The following PCCA variants were observed in gnomAD, a reference collection of about 807,000 sequenced individuals.
The protein encoded by PCCA is propionyl-CoA carboxylase subunit alpha.
A neutral mutation model predicts 101.3 loss-of-function variants in PCCA; 74 were observed. The observed-to-expected ratio is 0.73, with a 90% confidence interval of 0.61 to 0.89. The LOEUF (loss-of-function observed/expected upper bound fraction) is 0.89, where lower values mean the gene tolerates loss of function less well. Among genes scored for constraint, PCCA ranks in the 40% least tolerant of loss-of-function variants. The pLI, the probability that PCCA is intolerant of heterozygous loss-of-function variation, is 0.00. For synonymous variants in PCCA, 294 were observed against 313.6 expected (o/e 0.94, Z 0.66); for missense variants, 891 against 907.0 (o/e 0.98, Z 0.23).
intron 19 of PCCA, among the ~76,000 whole-genome samples, chr13:100,377,835 A>G (rs1052269168): frequency 1.3e-5 from 2 of 152,096 alleles, no homozygotes; most frequent in African/African-American, 4.8e-5. Context: ...ATCCATTTAC[A>G]TTCAGGGTTA....
intron 8 of PCCA, among the ~76,000 whole-genome samples, chr13:100,241,047 C>T (rs1259882624): frequency 2.6e-5 from 4 of 152,092 alleles, no homozygotes; most frequent in Non-Finnish European, 5.9e-5. Flanking sequence ...CTGCAGGTAA[C>T]TTGTTCAGAT....
intron 4 of PCCA, among the ~76,000 whole-genome samples, chr13:100,120,684 G>C (rs1250710004): frequency 6.6e-6 from 1 of 152,148 alleles, no homozygotes; most frequent in Non-Finnish European, 1.5e-5. Flanking sequence ...GAATTGGTCA[G>C]GGCAGGAGAA....
intron 16 of PCCA, 96 bp from the exon 17 acceptor site, chr13:100,330,465 A>G: frequency 1.3e-6 from 1 of 753,314 alleles, no homozygotes; most frequent in Non-Finnish European, 2.4e-6. Context: ...GGTTTCTGCT[A>G]GGTCATAGAA....
At chr13:100,122,740 A>G (rs1463105823) in intron 4 of PCCA, among the ~76,000 whole-genome samples, 1 of 151,848 alleles carries the variant, frequency 6.6e-6, no homozygotes, top group Non-Finnish European at 1.5e-5. Flanking sequence ...ATGGATTGTC[A>G]TAGTCTGGGT....
At chr13:100,488,085 T>TTTTA (rs1014686207) in intron 21 of PCCA, among the ~76,000 whole-genome samples, 1,537 of 151,896 alleles carry the variant, frequency 0.01, 27 homozygotes, top group African/African-American at 0.035. Flanking sequence ...CCTCTGTGCT[T>TTTTA]TTTATTTATT....
intron 19 of PCCA, among the ~76,000 whole-genome samples, chr13:100,417,894 A>G (rs1283194324): frequency 1.3e-5 from 2 of 152,108 alleles, no homozygotes; most frequent in African/African-American, 4.8e-5. Flanking sequence ...ATTCAGGACG[A>G]CTGCTCCGCT....
chr13:100,301,467 A>C lies in PCCA; in HGVS notation c.1073A>C (p.His358Pro). Residue 358 changes from histidine (H) to proline (P), a missense_variant, in exon 13 of 24, where the codon CAT becomes CCT. Coordinates refer to ENST00000376285, the MANE Select transcript of PCCA (RefSeq NM_000282.4). Reference sequence around the variant, plus strand: ...CAGACCTTGGCCTTGCAGGTTGAGCATCCTGTCACAGAATGCATTACTGGC... The same window carrying C: ...CAGACCTTGGCCTTGCAGGTTGAGCCTCCTGTCACAGAATGCATTACTGGC... Reference protein sequence around the residue: ...LEMNTRLQVEHPVTECITGLD... With the variant: ...LEMNTRLQVEPPVTECITGLD... The C allele has an allele frequency of 6.2e-7, 1 of 1,614,086 alleles. No homozygotes were observed.
chr13:100,204,970 G>T (rs1221988213), intron 6 of PCCA, among the ~76,000 whole-genome samples: 1 of 151,670 alleles, frequency 6.6e-6, no homozygotes, highest in Non-Finnish European at 1.5e-5. Context: ...TTTTTTAAAT[G>T]AATCACTTTA....
intron 12 of PCCA, among the ~76,000 whole-genome samples, chr13:100,281,016 C>G (rs981578047): frequency 1.3e-5 from 2 of 151,952 alleles, no homozygotes; most frequent in African/African-American, 4.8e-5. Context: ...CAAGAAAAAA[C>G]AGAAGGAAAA....
intron 16 of PCCA, among the ~76,000 whole-genome samples, chr13:100,328,857 C>A (rs912815455): frequency 6.6e-6 from 1 of 151,728 alleles, no homozygotes; most frequent in African/African-American, 2.4e-5. Context: ...CCACGCCCAG[C>A]TAATTTTTGT....
At chr13:100,098,953 A>G (rs2047019710) in intron 1 of PCCA, among the ~76,000 whole-genome samples, 1 of 152,220 alleles carries the variant, frequency 6.6e-6, no homozygotes, top group East Asian at 1.9e-4. Flanking sequence ...GTTACAATGC[A>G]TGATGAAATA....
At chr13:100,321,724 G>A (rs968313595) in intron 16 of PCCA, among the ~76,000 whole-genome samples, 2 of 151,712 alleles carry the variant, frequency 1.3e-5, no homozygotes, top group African/African-American at 2.4e-5. Flanking sequence ...TGGAATTTTT[G>A]TGTAGCTAAA....
chr13:100,127,172 A>C (rs2050034677), intron 4 of PCCA, among the ~76,000 whole-genome samples: 1 of 152,220 alleles, frequency 6.6e-6, no homozygotes, highest in South Asian at 2.1e-4. Flanking sequence ...TTATATCAGT[A>C]TCTTCATGTA....
rs1390247276 is a variant in PCCA, at chr13:100,262,803, TTGATAATCC to T, written c.793_801del (p.Asp265_Pro267del). ...GATAGACTACTAATAGAAAAATTTA[TTGATAATCC>T]TCGTCATATAGAAATCCAGGTTGGT... On this transcript the variant is annotated inframe_deletion, in exon 10 of 24. Transcript: ENST00000376285. The T allele has an allele frequency of 6.6e-7, 1 of 1,513,300 alleles. No individual in the cohort carries two copies. Among genetic ancestry groups the T allele is most frequent in the African/African-American group, 1.4e-5 (1 of 73,020 alleles). 93.7% of individuals were successfully genotyped at this position (1,513,300 alleles called of 1,614,324 possible).
At chr13:100,258,918 C>CA (rs1319493019) in intron 9 of PCCA, among the ~76,000 whole-genome samples, 3 of 152,156 alleles carry the variant, frequency 2.0e-5, no homozygotes, top group African/African-American at 7.2e-5. Context: ...TTGAGATCAA[C>CA]ACAGGCGTGC....
At chr13:100,188,061 G>A (rs1245143920) in intron 6 of PCCA, among the ~76,000 whole-genome samples, 2 of 152,144 alleles carry the variant, frequency 1.3e-5, no homozygotes, top group African/African-American at 2.4e-5. Context: ...TTGGGAGGCC[G>A]AGGTGGGCGG....
At chr13:100,144,302 G>GAAAA (rs1401637596) in intron 4 of PCCA, among the ~76,000 whole-genome samples, 1 of 152,080 alleles carries the variant, frequency 6.6e-6, no homozygotes, top group Non-Finnish European at 1.5e-5. Flanking sequence ...CCTGTCTTTT[G>GAAAA]GGATCCCAGC....
chr13:100,289,119 A>T (rs890301632), intron 12 of PCCA, among the ~76,000 whole-genome samples: 4 of 152,058 alleles, frequency 2.6e-5, no homozygotes, highest in Non-Finnish European at 2.9e-5. Context: ...GTATAATTTG[A>T]TGTATGTGGG....
At chr13:100,114,602 A>T (rs2048623510) in intron 4 of PCCA, among the ~76,000 whole-genome samples, 1 of 152,220 alleles carries the variant, frequency 6.6e-6, no homozygotes, top group African/African-American at 2.4e-5. Context: ...TGTCCAAAGG[A>T]AAATAAAAAG....
Sources: gnomAD v4.1 joint callset for allele counts (sites outside exome capture counted in the v4.1 genomes callset) on GRCh38, gnomAD v4.1.1 for gene constraint, MANE v1.5 for transcripts, NCBI Gene and HGNC (gene_info 2026-07-23, HGNC 2026-07-21) for gene names.